The following WIPF1 variants were observed in gnomAD, a reference collection of about 807,000 sequenced individuals.
WIPF1 encodes WAS/WASL interacting protein family member 1, also known as WAS/WASL-interacting protein family member 1.
In WIPF1, 13 loss-of-function variants were observed where a neutral mutation model predicts 35.4. The observed-to-expected ratio is 0.37, with a 90% confidence interval of 0.24 to 0.58. The LOEUF is 0.58. WIPF1 is among the 20% of genes least tolerant of loss of function. WIPF1 has a pLI of 0.74. For synonymous variants in WIPF1, 267 were observed against 266.3 expected (o/e 1.00, Z -0.02); for missense variants, 591 against 667.0 (o/e 0.89, Z 1.25).
intron 2 of WIPF1, among the ~76,000 whole-genome samples, chr2:174,584,891 CA>C (rs1685353947): frequency 7.2e-6 from 1 of 138,244 alleles, no homozygotes. Context: ...GCCTGGGTGA[CA>C]GAGCGAGACT....
chr2:174,625,296 C>T (rs769240023), intron 1 of WIPF1, among the ~76,000 whole-genome samples: 5 of 152,200 alleles, frequency 3.3e-5, no homozygotes, highest in Non-Finnish European at 5.9e-5. Flanking sequence ...CCCCTCACTT[C>T]GAGGATTGGT....
rs1027425130 is a variant in WIPF1 at position 174,607,060 on chromosome 2, T to A, written c.-38-21449A>T. On this transcript the variant is annotated intron_variant, in intron 1 of 8. Coordinates refer to the WIPF1 transcript ENST00000272746. The stretch of plus-strand genomic sequence containing the variant: ...ATTCATCCTTTTATCAAGAACCCAC[T>A]CTTGTGATAACTAACCTAGTCCCAT... Among the ~76,000 whole-genome samples, 3 of 152,126 alleles carry A rather than the reference T, an allele frequency of 2.0e-5. 1 individual carries two copies.
intron 1 of WIPF1, among the ~76,000 whole-genome samples, chr2:174,611,518 A>G (rs529246946): frequency 6.6e-6 from 1 of 152,278 alleles, no homozygotes; most frequent in African/African-American, 2.4e-5. Flanking sequence ...GAGGAGGAGG[A>G]GGGAGGGTCG....
chr2:174,595,452 G>A (rs1439513846), intron 1 of WIPF1, among the ~76,000 whole-genome samples: 1 of 152,082 alleles, frequency 6.6e-6, no homozygotes, highest in African/African-American at 2.4e-5. Flanking sequence ...CTTAGCTTAT[G>A]TAAGTCCGGT....
rs913789975 is a variant in WIPF1 at position 174,575,309 on chromosome 2, C to G, written c.253G>C (p.Gly85Arg). The G allele has an allele frequency of 3.1e-6, 5 of 1,613,846 alleles. No individual in the cohort carries two copies. The highest frequency in any genetic ancestry group is 1.3e-5 in the African/African-American group (1 of 74,940). The change falls in exon 4 of 8, where the codon GGT (glycine) becomes CGT (arginine). Residue 85 changes from glycine to arginine, a missense_variant. Gly to Arg is a moderately radical substitution (Grantham distance 125). Transcript: ENST00000679041. ...CCAAAACTTCCACCGCCTCCGCCAC[C>G]ACCTCCTCCGCCAAATCCGCCGCCT... ...GGGGGFGGGG[G>R]GGGGGSFGGG... is the part of the protein sequence containing the mutation.
At chr2:174,599,869 C>T (rs1180403416), upstream of WIPF1, among the ~76,000 whole-genome samples, 2 of 151,090 alleles carry the variant, frequency 1.3e-5, no homozygotes, top group African/African-American at 4.9e-5. Context: ...TGGCTATTTC[C>T]ATCCCTTAGG....
chr2:174,654,622 TC>T (rs928608934), intron 1 of WIPF1, among the ~76,000 whole-genome samples: 50 of 152,190 alleles, frequency 3.3e-4, no homozygotes, highest in Admixed American at 1.0e-3. Flanking sequence ...TTTTTTTTTT[TC>T]CTCCTCAGAT....
chr2:174,665,372 C>T (rs62185282), intron 1 of WIPF1: 32,584 of 152,192 alleles, frequency 0.21, 4,295 homozygotes, highest in Non-Finnish European at 0.3. Context: ...CTAACTCCTC[C>T]ATCACCATCT....
At chr2:174,581,072 G>T (rs1685225842) in intron 3 of WIPF1, 2 of 339,676 alleles carry the variant, frequency 5.9e-6, no homozygotes, top group East Asian at 1.2e-4. Flanking sequence ...ATAATGCAGA[G>T]AATTGCTGCT....
At chr2:174,627,833 G>C (rs1160676435) in intron 1 of WIPF1, among the ~76,000 whole-genome samples, 1 of 152,148 alleles carries the variant, frequency 6.6e-6, no homozygotes, top group Non-Finnish European at 1.5e-5. Context: ...ACATGCATGA[G>C]ACATCACACC....
At chr2:174,654,985 C>A (rs1027282678) in intron 1 of WIPF1, among the ~76,000 whole-genome samples, 4 of 152,226 alleles carry the variant, frequency 2.6e-5, no homozygotes, top group Non-Finnish European at 5.9e-5. Context: ...AGGTTTGTGG[C>A]AGACCACTGA....
chr2:174,609,975 A>T (rs1201503341), intron 1 of WIPF1, among the ~76,000 whole-genome samples: 2 of 152,180 alleles, frequency 1.3e-5, no homozygotes, highest in Non-Finnish European at 2.9e-5. Flanking sequence ...TGCTTTTCTC[A>T]GTGGCTTGGC....
intron 3 of WIPF1, 42 bp from the exon 4 acceptor site, chr2:174,575,422 T>C: frequency 2.6e-6 from 4 of 1,550,582 alleles, no homozygotes; most frequent in Non-Finnish European, 3.5e-6. Context: ...CCCCCTGGTC[T>C]GGCCCAGGTA....
intron 1 of WIPF1, among the ~76,000 whole-genome samples, chr2:174,664,647 C>A (rs575042803): frequency 6.6e-6 from 1 of 152,306 alleles, no homozygotes; most frequent in Admixed American, 6.5e-5. Flanking sequence ...GTCTCTAGGC[C>A]AAGAGCCAGG....
intron 1 of WIPF1, among the ~76,000 whole-genome samples, chr2:174,592,471 T>C (rs1193759403): frequency 1.3e-5 from 2 of 152,072 alleles, no homozygotes; most frequent in African/African-American, 2.4e-5. Context: ...CCCAAAAAGA[T>C]TGAATCAATA....
chr2:174,681,300 C>G (rs1688240398), intron 1 of WIPF1, among the ~76,000 whole-genome samples: 1 of 152,160 alleles, frequency 6.6e-6, no homozygotes, highest in African/African-American at 2.4e-5. Flanking sequence ...TATAGCACCT[C>G]CAGGTCCCCG....
chr2:174,652,082 T>C (rs971586540), intron 1 of WIPF1, among the ~76,000 whole-genome samples: 1 of 152,212 alleles, frequency 6.6e-6, no homozygotes, highest in Non-Finnish European at 1.5e-5. Context: ...GTGTTTCCAA[T>C]GAACGAGGCA....
rs761013320 is a variant in WIPF1 at position 174,581,292 on chromosome 2, T to C, written c.181+18A>G. ...ATAAACTGTTCCTCTCCATGGTAGA[T>C]AGCCTTTTTTTACTTACTGTCCAGT... is the stretch of plus-strand genomic sequence containing the variant. On this transcript the variant is annotated intron_variant, in intron 3 of 7. Transcript: ENST00000679041. 5 of 1,613,596 alleles carry C rather than the reference T, an allele frequency of 3.1e-6. No homozygotes were observed. In the Admixed American group the frequency reaches 6.7e-5, roughly 22 times the overall value.
intron 1 of WIPF1, among the ~76,000 whole-genome samples, chr2:174,644,175 T>C (rs1391546932): frequency 6.6e-6 from 1 of 152,190 alleles, no homozygotes; most frequent in African/African-American, 2.4e-5. Flanking sequence ...CCCAGCTGTG[T>C]ATGTGTTTTA....
Sources: gnomAD v4.1 joint callset for allele counts (sites outside exome capture counted in the v4.1 genomes callset) on GRCh38, gnomAD v4.1.1 for gene constraint, MANE v1.5 for transcripts, NCBI Gene and HGNC (gene_info 2026-07-23, HGNC 2026-07-21) for gene names.